The following FILIP1L variants were observed in gnomAD, a reference collection of about 807,000 sequenced individuals.
FILIP1L encodes the protein filamin A-interacting protein 1-like.
Under a neutral mutation model 96.6 loss-of-function variants are expected in FILIP1L, and 55 were observed. That is an observed-to-expected ratio of 0.57 (90% confidence interval 0.46 to 0.71). The LOEUF is 0.71. FILIP1L is among the 30% of genes least tolerant of loss of function. FILIP1L has a pLI of 0.00. For synonymous variants in FILIP1L, 467 were observed against 473.9 expected, an observed-to-expected ratio of 0.99 and a Z score of 0.19; for missense variants, 1,304 against 1,321.2, an observed-to-expected ratio of 0.99 and a Z score of 0.20.
Position 99,971,890 on chromosome 3 carries a change from G to T in FILIP1L, c.-10-40860C>A, listed in dbSNP as rs1326161436. 2.6e-5 allele frequency among the ~76,000 whole-genome samples: 4 copies of T among 152,330 alleles called. No individual in the cohort carries two copies. The East Asian group carries it at 5.8e-4, about 22-fold the overall frequency. ...TAAAAAGCACCTATATACTCTTTTG[G>T]TAGGATTTGGTACAGGTAGGATTAT... On this transcript the variant is annotated intron_variant, in intron 1 of 5. Coordinates refer to ENST00000477258, the MANE Select transcript of FILIP1L (RefSeq NM_001387850.1).
At chr3:99,935,138 T>A in intron 1 of FILIP1L, among the ~76,000 whole-genome samples, 1 of 152,158 alleles carries the variant, frequency 6.6e-6, no homozygotes, top group East Asian at 1.9e-4. Context: ...TCTCATGCTT[T>A]GTATTATCAG....
intron 4 of FILIP1L, among the ~76,000 whole-genome samples, chr3:99,907,391 G>A (rs1363048888): frequency 1.3e-5 from 2 of 152,082 alleles, no homozygotes; most frequent in Non-Finnish European, 1.5e-5. Context: ...GGGACTACAG[G>A]CGCCCACCAC....
At chr3:99,983,038 A>G (rs1415307883) in intron 1 of FILIP1L, among the ~76,000 whole-genome samples, 3 of 151,004 alleles carry the variant, frequency 2.0e-5, no homozygotes, top group Non-Finnish European at 4.4e-5. Flanking sequence ...GAGGGAAGTC[A>G]TTGTTCTGTA....
chr3:99,936,201 A>G (rs1367858814), intron 1 of FILIP1L, among the ~76,000 whole-genome samples: 2 of 151,986 alleles, frequency 1.3e-5, no homozygotes, highest in African/African-American at 4.8e-5. Flanking sequence ...TGGTCATTTA[A>G]TATGGTATCG....
At chr3:99,964,731 T>G (rs1287198465) in intron 1 of FILIP1L, among the ~76,000 whole-genome samples, 1 of 151,988 alleles carries the variant, frequency 6.6e-6, no homozygotes, top group African/African-American at 2.4e-5. Flanking sequence ...AAAGGAGGCT[T>G]TGGAGGGCAG....
intron 4 of FILIP1L, among the ~76,000 whole-genome samples, chr3:99,885,313 A>G (rs1377372062): frequency 2.0e-5 from 3 of 152,198 alleles, no homozygotes; most frequent in African/African-American, 7.2e-5. Context: ...ACTCTCAGTG[A>G]CTTCCACTTT....
intron 1 of FILIP1L, among the ~76,000 whole-genome samples, chr3:99,988,339 TCCAA>T (rs1374526895): frequency 0.017 from 483 of 28,348 alleles, 13 homozygotes; most frequent in African/African-American, 0.04. Context: ...CTACTAAAAA[TCCAA>T]AAAAAAAAAA....
chr3:100,054,222 A>C (rs1480100842), intron 1 of FILIP1L, among the ~76,000 whole-genome samples: 1 of 152,212 alleles, frequency 6.6e-6, no homozygotes, highest in Non-Finnish European at 1.5e-5. Flanking sequence ...TAACCGAGAC[A>C]TCACATTCCC....
intron 1 of FILIP1L, among the ~76,000 whole-genome samples, chr3:100,032,474 C>G (rs1409635431): frequency 6.6e-6 from 1 of 152,166 alleles, no homozygotes; most frequent in Non-Finnish European, 1.5e-5. Context: ...TTTCTGTTAT[C>G]TGTGAATCAT....
chr3:99,950,894 C>T (rs935384814), intron 1 of FILIP1L, among the ~76,000 whole-genome samples: 7 of 152,096 alleles, frequency 4.6e-5, no homozygotes, highest in African/African-American at 9.7e-5. Flanking sequence ...AAACTGATCA[C>T]GGAGACAGTA....
At chr3:100,037,939 C>CTTTTT (rs150366639) in intron 1 of FILIP1L, among the ~76,000 whole-genome samples, 8 of 118,184 alleles carry the variant, frequency 6.8e-5, no homozygotes, top group Non-Finnish European at 1.0e-4. Flanking sequence ...AATCGCTTTT[C>CTTTTT]TTTTTTTTTT....
intron 4 of FILIP1L, among the ~76,000 whole-genome samples, chr3:99,903,502 G>T (rs181682802): frequency 6.6e-6 from 1 of 151,908 alleles, no homozygotes; most frequent in South Asian, 2.1e-4. Context: ...CACCTGCCTC[G>T]GCCTCCCAAA....
At chr3:99,990,948 T>C (rs1709492388) in intron 1 of FILIP1L, among the ~76,000 whole-genome samples, 1 of 152,118 alleles carries the variant, frequency 6.6e-6, no homozygotes, top group Admixed American at 6.5e-5. Flanking sequence ...GCTTAAACTT[T>C]GGTTGGAAAT....
At chr3:99,913,267 T>G (rs1706849207) in intron 4 of FILIP1L, among the ~76,000 whole-genome samples, 1 of 152,192 alleles carries the variant, frequency 6.6e-6, no homozygotes, top group African/African-American at 2.4e-5. Context: ...ACACTTAACT[T>G]TTTGAGGAAC....
intron 5 of FILIP1L, among the ~76,000 whole-genome samples, chr3:99,841,340 C>G (rs537540334): frequency 2.0e-5 from 3 of 152,222 alleles, no homozygotes; most frequent in Non-Finnish European, 4.4e-5. Context: ...CTTTCCATTT[C>G]TACTATGCCT....
intron 1 of FILIP1L, among the ~76,000 whole-genome samples, chr3:99,972,090 C>G (rs1347574625): frequency 6.6e-6 from 1 of 152,124 alleles, no homozygotes; most frequent in African/African-American, 2.4e-5. Context: ...TGAGAGGAAC[C>G]TGGTTCTGAC....
intron 1 of FILIP1L, among the ~76,000 whole-genome samples, chr3:100,096,737 T>C (rs2066216404): frequency 6.6e-6 from 1 of 152,068 alleles, no homozygotes; most frequent in Non-Finnish European, 1.5e-5. Flanking sequence ...ATTAATTTAA[T>C]TGTACATTTT....
intron 1 of FILIP1L, among the ~76,000 whole-genome samples, chr3:100,016,739 CTG>C (rs1458869565): frequency 4.3e-4 from 66 of 152,320 alleles, no homozygotes; most frequent in African/African-American, 1.5e-3. Context: ...TTTCTTGAAT[CTG>C]AATTGTAACA....
At chr3:100,053,436 C>T (rs1004407755) in intron 1 of FILIP1L, among the ~76,000 whole-genome samples, 9 of 152,120 alleles carry the variant, frequency 5.9e-5, no homozygotes, top group Non-Finnish European at 1.3e-4. Context: ...CCAAATCTGC[C>T]GCTGTCTTTA....
Sources: gnomAD v4.1 joint callset for allele counts (sites outside exome capture counted in the v4.1 genomes callset) on GRCh38, gnomAD v4.1.1 for gene constraint, MANE v1.5 for transcripts, NCBI Gene and HGNC (gene_info 2026-07-23, HGNC 2026-07-21) for gene names.